The following LRMDA variants were observed in gnomAD, a reference collection of about 807,000 sequenced individuals.
LRMDA encodes leucine rich melanocyte differentiation associated, also known as leucine-rich melanocyte differentiation-associated protein.
Under a neutral mutation model 29.8 loss-of-function variants are expected in LRMDA, and 18 were observed. That is an observed-to-expected ratio of 0.60 (90% CI 0.42 to 0.90). LRMDA has a LOEUF of 0.90. Among genes scored for constraint, LRMDA ranks in the 40% least tolerant of loss-of-function variants. The pLI is 0.00. For synonymous variants in LRMDA, 125 were observed against 109.4 expected, an observed-to-expected ratio of 1.14 and a Z score of -0.89; for missense variants, 273 against 273.9, an observed-to-expected ratio of 1.00 and a Z score of 0.02.
At chr10:75,740,292 C>T (rs1307757538) in intron 2 of LRMDA, among the ~76,000 whole-genome samples, 3 of 152,138 alleles carry the variant, frequency 2.0e-5, no homozygotes, top group Admixed American at 1.3e-4. Flanking sequence ...GGGGCAGCGG[C>T]CTGGCAGGTG....
At chr10:75,480,640 A>T (rs1844845190) in intron 2 of LRMDA, among the ~76,000 whole-genome samples, 1 of 152,222 alleles carries the variant, frequency 6.6e-6, no homozygotes, top group African/African-American at 2.4e-5. Context: ...AGGCATCTGG[A>T]CTTTATTCAT....
intron 2 of LRMDA, among the ~76,000 whole-genome samples, chr10:75,521,167 C>G (rs963122139): frequency 1.3e-5 from 2 of 152,306 alleles, no homozygotes; most frequent in African/African-American, 4.8e-5. Flanking sequence ...GGGTCAGGCT[C>G]CCACTTGAGG....
chr10:75,916,193 T>TGTGTGTGTGG (rs72087365), intron 2 of LRMDA, among the ~76,000 whole-genome samples: 31,159 of 139,712 alleles, frequency 0.22, 3,462 homozygotes, highest in South Asian at 0.42. Context: ...TGTGTGTGTG[T>TGTGTGTGTGG]GTGGGTGGGT....
At chr10:75,603,179 G>GTT (rs397972323) in intron 2 of LRMDA, among the ~76,000 whole-genome samples, 14,825 of 143,508 alleles carry the variant, frequency 0.1, 2,405 homozygotes, top group African/African-American at 0.34. Context: ...TCATCTTAAA[G>GTT]TTTTTTTTTT....
At chr10:76,240,244 C>G (rs1852247626) in intron 5 of LRMDA, among the ~76,000 whole-genome samples, 1 of 150,852 alleles carries the variant, frequency 6.6e-6, no homozygotes, top group Admixed American at 6.6e-5. Context: ...TAGAATACTA[C>G]TTAACTATAA....
chr10:76,228,156 G>A (rs1230537570), intron 5 of LRMDA, among the ~76,000 whole-genome samples: 2 of 151,852 alleles, frequency 1.3e-5, no homozygotes, highest in South Asian at 2.1e-4. Context: ...CGAGTAGCTG[G>A]GACTATAGGC....
At chr10:76,206,132 G>C (rs1182815118) in intron 5 of LRMDA, among the ~76,000 whole-genome samples, 1 of 152,128 alleles carries the variant, frequency 6.6e-6, no homozygotes, top group Non-Finnish European at 1.5e-5. Context: ...CTAAGAGAAA[G>C]GGAGTTTAAC....
intron 2 of LRMDA, among the ~76,000 whole-genome samples, chr10:75,910,038 T>G (rs1163036531): frequency 1.3e-5 from 2 of 152,214 alleles, no homozygotes; most frequent in African/African-American, 4.8e-5. Context: ...GGGACTGGAA[T>G]TTTTCTTCAT....
At chr10:76,285,089 G>C (rs1400207225) in intron 5 of LRMDA, among the ~76,000 whole-genome samples, 2 of 152,160 alleles carry the variant, frequency 1.3e-5, no homozygotes, top group Admixed American at 6.5e-5. Context: ...AAGTGATCAT[G>C]TCTGTTTCAT....
chr10:75,914,013 A>G (rs1409625550), intron 2 of LRMDA, among the ~76,000 whole-genome samples: 1 of 152,206 alleles, frequency 6.6e-6, no homozygotes, highest in Non-Finnish European at 1.5e-5. Context: ...CTAGAGAAGC[A>G]CCCTCCTGTC....
At chr10:75,922,419 G>T (rs1846042158) in intron 2 of LRMDA, among the ~76,000 whole-genome samples, 1 of 152,148 alleles carries the variant, frequency 6.6e-6, no homozygotes, top group African/African-American at 2.4e-5. Context: ...TCAAGACCAG[G>T]AAAAAGTATG....
chr10:76,103,892 T>C (rs968315845), intron 5 of LRMDA, among the ~76,000 whole-genome samples: 7 of 151,844 alleles, frequency 4.6e-5, no homozygotes, highest in Non-Finnish European at 8.8e-5. Context: ...CTACTAAAAA[T>C]ACAAAAGTTA....
chr10:76,168,696 T>G (rs1007117566), intron 5 of LRMDA, among the ~76,000 whole-genome samples: 1 of 151,612 alleles, frequency 6.6e-6, no homozygotes, highest in Non-Finnish European at 1.5e-5. Context: ...GATGAAACTG[T>G]ATGATGAGTA....
chr10:75,667,877 G>A (rs79001241), intron 2 of LRMDA, among the ~76,000 whole-genome samples: 2,187 of 152,288 alleles, frequency 0.014, 64 homozygotes, highest in African/African-American at 0.05. Context: ...GACTTCTGCC[G>A]TTAATGCTAG....
chr10:76,251,153 G>A (rs1234575310), intron 5 of LRMDA, among the ~76,000 whole-genome samples: 2 of 150,196 alleles, frequency 1.3e-5, no homozygotes, highest in African/African-American at 4.9e-5. Context: ...AGGACGTATG[G>A]TCTAAGTCTG....
At chr10:76,329,101 C>G (rs919669521) in intron 6 of LRMDA, among the ~76,000 whole-genome samples, 1 of 152,170 alleles carries the variant, frequency 6.6e-6, no homozygotes, top group African/African-American at 2.4e-5. Flanking sequence ...GTTATCCATG[C>G]GTTGCCCTGC....
chr10:76,363,215 A>AAGGAAGAG (rs1491098591), intron 6 of LRMDA, among the ~76,000 whole-genome samples: 6 of 25,000 alleles, frequency 2.4e-4, no homozygotes, highest in African/African-American at 1.3e-3. Flanking sequence ...GGAGGGAAGG[A>AAGGAAGAG]AGAGAAAGAA....
chr10:75,818,967 G>A (rs1403675887), intron 2 of LRMDA, among the ~76,000 whole-genome samples: 1 of 152,128 alleles, frequency 6.6e-6, no homozygotes, highest in African/African-American at 2.4e-5. Flanking sequence ...TTTTCTATTT[G>A]CTAAATGTTA....
intron 6 of LRMDA, among the ~76,000 whole-genome samples, chr10:76,546,769 C>T (rs1415098428): frequency 6.6e-6 from 1 of 151,916 alleles, no homozygotes. Context: ...ACCTTTATTG[C>T]TGTTTGTTTG....
Sources: gnomAD v4.1 joint callset for allele counts (sites outside exome capture counted in the v4.1 genomes callset) on GRCh38, gnomAD v4.1.1 for gene constraint, MANE v1.5 for transcripts, NCBI Gene and HGNC (gene_info 2026-07-23, HGNC 2026-07-21) for gene names.